The following LIPH variants were observed in gnomAD, a reference collection of about 807,000 sequenced individuals.
LIPH encodes lipase H.
Under a neutral mutation model 47.6 loss-of-function variants are expected in LIPH, and 32 were observed. That is an observed-to-expected ratio of 0.67 (90% CI 0.51 to 0.90). The LOEUF (loss-of-function observed/expected upper bound fraction) is 0.90, where lower values mean the gene tolerates loss of function less well. Among genes scored for constraint, LIPH ranks in the 40% least tolerant of loss-of-function variants. The probability of loss-of-function intolerance (pLI) is 0.00; values close to 1 mark genes in which losing one functional copy is unlikely to be tolerated. For synonymous variants in LIPH, 190 were observed against 195.6 expected, an observed-to-expected ratio of 0.97 and a Z score of 0.24; for missense variants, 497 against 541.4, an observed-to-expected ratio of 0.92 and a Z score of 0.81.
chr3:185,540,913 G>A (rs974608475), intron 1 of LIPH, among the ~76,000 whole-genome samples: 2 of 152,058 alleles, frequency 1.3e-5, no homozygotes, highest in African/African-American at 2.4e-5. Flanking sequence ...TTTCCGACTC[G>A]GAGTGCGCTG....
chr3:185,542,117 C>A (rs770459616), intron 1 of LIPH, among the ~76,000 whole-genome samples: 1 of 152,074 alleles, frequency 6.6e-6, no homozygotes, highest in Non-Finnish European at 1.5e-5. Context: ...ACTTGAGGAA[C>A]CTTTTCAGTC....
intron 6 of LIPH, 120 bp downstream of exon 6, chr3:185,519,022 C>A: frequency 1.2e-6 from 1 of 855,958 alleles, no homozygotes; most frequent in Non-Finnish European, 2.0e-6. Context: ...CTGTGCCCAG[C>A]AGAAAAACAA....
intron 1 of LIPH, among the ~76,000 whole-genome samples, chr3:185,541,282 C>T (rs1720700676): frequency 6.6e-6 from 1 of 152,108 alleles, no homozygotes; most frequent in African/African-American, 2.4e-5. Context: ...TATATTGCCT[C>T]TCAAATGCTC....
Position 185,508,870 on chromosome 3 carries a change from G to A in LIPH, c.1276C>T (p.Leu426=), listed in dbSNP as rs1560153188. Residue 426 remains leucine, a synonymous_variant, in exon 10 of 10, where the codon CTG becomes TTG. Transcript: ENST00000296252. ...ATCAGGACAAGATCATACCGACACA[G>A]CTGAGGCCTGGGAAAATAAGACAAA... ...RSLAHPERPQ[L]CRYDLVLMEN... is the part of the protein sequence containing the mutation. 1 of 1,608,994 alleles carries A rather than the reference G, an allele frequency of 6.2e-7. No homozygotes were observed. Among genetic ancestry groups the A allele is most frequent in the Admixed American group, 1.7e-5 (1 of 60,016 alleles).
intron 1 of LIPH, among the ~76,000 whole-genome samples, chr3:185,536,155 T>C (rs1720497215): frequency 6.6e-6 from 1 of 152,226 alleles, no homozygotes; most frequent in African/African-American, 2.4e-5. Context: ...CATATGTGTC[T>C]ATCCTGCTAG....
intron 2 of LIPH, among the ~76,000 whole-genome samples, chr3:185,534,230 C>T (rs1356354184): frequency 6.6e-6 from 1 of 151,914 alleles, no homozygotes; most frequent in Non-Finnish European, 1.5e-5. Context: ...GTGGCGTGTA[C>T]CTGTAGTCCC....
At chr3:185,530,074 A>G (rs932309668) in intron 3 of LIPH, among the ~76,000 whole-genome samples, 1 of 151,974 alleles carries the variant, frequency 6.6e-6, no homozygotes, top group Non-Finnish European at 1.5e-5. Context: ...GATGGAGAGA[A>G]AGCTGAGCTG....
intron 1 of LIPH, among the ~76,000 whole-genome samples, chr3:185,537,150 GT>G (rs1379381378): frequency 6.6e-6 from 1 of 152,182 alleles, no homozygotes; most frequent in Non-Finnish European, 1.5e-5. Context: ...CTCCCAAAGT[GT>G]TGGGATTACA....
intron 5 of LIPH, among the ~76,000 whole-genome samples, chr3:185,522,954 T>C (rs1184366921): frequency 6.6e-6 from 1 of 152,216 alleles, no homozygotes; most frequent in African/African-American, 2.4e-5. Flanking sequence ...AAAAAATAAA[T>C]TGGCATCATA....
intron 5 of LIPH, among the ~76,000 whole-genome samples, chr3:185,520,481 C>T (rs943163844): frequency 2.6e-5 from 4 of 151,562 alleles, no homozygotes; most frequent in Non-Finnish European, 5.9e-5. Context: ...CGAGCCACTG[C>T]ACTCCAGCCT....
chr3:185,509,579 A>G (rs1209305505), intron 9 of LIPH, among the ~76,000 whole-genome samples: 1 of 152,128 alleles, frequency 6.6e-6, no homozygotes, highest in African/African-American at 2.4e-5. Flanking sequence ...GCAGTGAGCC[A>G]AGAACGCGCT....
rs1470267780 is a variant in LIPH at position 185,536,214 on chromosome 3, G to A, written c.50-1082C>T. Reference sequence around the variant, plus strand: ...GCTCATTACTTGTATATCCCTCACAGTGCCCAGCACATGGTAGAGGACTCA... The same window carrying A: ...GCTCATTACTTGTATATCCCTCACAATGCCCAGCACATGGTAGAGGACTCA... On this transcript the variant is annotated intron_variant, in intron 1 of 9. Coordinates refer to ENST00000296252, the MANE Select transcript of LIPH (RefSeq NM_139248.3). Among the ~76,000 whole-genome samples the A allele has an allele frequency of 3.3e-5, 5 of 152,110 alleles. No individual in the cohort carries two copies. The East Asian group carries it at 9.6e-4, about 29-fold the overall frequency.
At chr3:185,533,188 C>G (rs1185880582) in intron 3 of LIPH, among the ~76,000 whole-genome samples, 1 of 152,136 alleles carries the variant, frequency 6.6e-6, no homozygotes, top group Non-Finnish European at 1.5e-5. Context: ...TCTTATGAGA[C>G]TCCAGCTGTG....
chr3:185,545,273 C>A (rs887064150), intron 1 of LIPH, among the ~76,000 whole-genome samples: 1 of 152,176 alleles, frequency 6.6e-6, no homozygotes, highest in Admixed American at 6.5e-5. Flanking sequence ...ATAAGGAATT[C>A]AGACTCCTAT....
At chr3:185,524,775 A>G (rs1165798420) in intron 4 of LIPH, among the ~76,000 whole-genome samples, 2 of 151,924 alleles carry the variant, frequency 1.3e-5, no homozygotes, top group Non-Finnish European at 2.9e-5. Context: ...TTTTGCTGCA[A>G]CCCTTTAATT....
In LIPH at chr3:185,506,277, C is replaced by G. The variant is rs1245588692; in HGVS notation, c.*2513G>C. 1 of 152,124 alleles carries G rather than the reference C, an allele frequency of 6.6e-6. No homozygotes were observed. Among genetic ancestry groups the G allele is most frequent in the African/African-American group, 2.4e-5 (1 of 41,422 alleles). The allele number at this position is 152,124 out of a possible 1,614,324, so 9.4% of individuals were successfully genotyped here. On this transcript the variant is annotated 3_prime_UTR_variant, in exon 10 of 10. Coordinates refer to ENST00000296252, the MANE Select transcript of LIPH (RefSeq NM_139248.3). ...ACAGAGTGGCCACAGTTATAACTGCCTTTATTTCTCCTGATCACTGTTACA... is the reference window on the plus strand; with the variant it reads ...ACAGAGTGGCCACAGTTATAACTGCGTTTATTTCTCCTGATCACTGTTACA...
chr3:185,536,552 C>T (rs1205059449), intron 1 of LIPH, among the ~76,000 whole-genome samples: 1 of 151,988 alleles, frequency 6.6e-6, no homozygotes, highest in Non-Finnish European at 1.5e-5. Flanking sequence ...GGGTCCTTGC[C>T]CATCTTTAAT....
intron 1 of LIPH, among the ~76,000 whole-genome samples, chr3:185,537,997 G>C (rs1053591949): frequency 6.6e-6 from 1 of 152,054 alleles, no homozygotes; most frequent in Admixed American, 6.6e-5. Flanking sequence ...TGTAGAGACA[G>C]GCTTTCGCTA....
At chr3:185,521,253 G>A (rs1465339212) in intron 5 of LIPH, among the ~76,000 whole-genome samples, 1 of 152,176 alleles carries the variant, frequency 6.6e-6, no homozygotes. Context: ...CACCATGGTA[G>A]TTTAACTATT....
Sources: gnomAD v4.1 joint callset for allele counts (sites outside exome capture counted in the v4.1 genomes callset) on GRCh38, gnomAD v4.1.1 for gene constraint, MANE v1.5 for transcripts, NCBI Gene and HGNC (gene_info 2026-07-23, HGNC 2026-07-21) for gene names.